The following SAMD9L variants were observed in gnomAD, a reference collection of about 807,000 sequenced individuals.
SAMD9L encodes sterile alpha motif domain containing 9 like.
A neutral mutation model predicts 90.7 loss-of-function variants in SAMD9L; 68 were observed. The ratio of observed to expected loss-of-function variants is 0.75; its 90% CI spans 0.62 to 0.92. SAMD9L has a LOEUF of 0.92. SAMD9L is among the 40% of genes least tolerant of loss of function. The probability of loss-of-function intolerance (pLI) is 0.00; values close to 1 mark genes in which losing one functional copy is unlikely to be tolerated. For missense variants in SAMD9L, 1,604 were observed against 1,824.3 expected (o/e 0.88, Z 2.20); for synonymous variants, 640 against 630.1 (o/e 1.02, Z -0.23).
At position 93,135,378 on chromosome 7, in the gene SAMD9L, C is replaced by T; in HGVS notation, c.594G>A (p.Glu198=). 3.7e-6 allele frequency: 6 copies of T among 1,614,074 alleles called. No homozygotes were observed. The highest frequency in any genetic ancestry group is 5.1e-6 in the Non-Finnish European group (6 of 1,179,966). ...GALNLIDPIH[E]FKALTNTETA... The stretch of plus-strand genomic sequence containing the variant: ...TTTCTGTGTTTGTGAGAGCTTTGAA[C>T]TCATGTATTGGATCAATGAGATTGA... The change falls in exon 5 of 5, where the codon GAG becomes GAA. Residue 198 remains glutamate, a synonymous_variant. Transcript: ENST00000318238.
Position 93,133,453 on chromosome 7 carries a change from A to G in SAMD9L, c.2519T>C (p.Met840Thr), listed in dbSNP as rs1304874755. 5.0e-6 allele frequency: 8 copies of G among 1,613,044 alleles called. No homozygotes were observed. The highest frequency in any genetic ancestry group is 3.3e-4 in the Middle Eastern group (2 of 6,082). Residue 840 changes from methionine (M) to threonine (T), a missense_variant, in exon 5 of 5, where the codon ATG becomes ACG. Transcript: ENST00000318238. Reference sequence around the variant, plus strand: ...ACTTTCATCTGGATTCCGGGATCTCATGCAGTTTAAGATAATTACCAATGT... The same window carrying G: ...ACTTTCATCTGGATTCCGGGATCTCGTGCAGTTTAAGATAATTACCAATGT... ...EKTLVIILNC[M>T]RSRNPDESAK...
chr7:93,131,815 G>A lies in SAMD9L; in HGVS notation c.4157C>T (p.Ala1386Val), dbSNP rs1164703485. Reference sequence around the variant, plus strand: ...CTTTAGACAACTCAGAATAATGTTGGCCAAAATGGAATTTTGTTTCTCATT... The same window carrying A: ...CTTTAGACAACTCAGAATAATGTTGACCAAAATGGAATTTTGTTTCTCATT... ...MTNEKQNSIL[A>V]NIILSCLKPN... The change falls in exon 5 of 5, where the codon GCC becomes GTC. Residue 1386 changes from alanine to valine, a missense_variant. Coordinates refer to ENST00000318238, the MANE Select transcript of SAMD9L (RefSeq NM_152703.5). The A allele has an allele frequency of 1.9e-6, 3 of 1,613,074 alleles. No individual in the cohort carries two copies. The highest frequency in any genetic ancestry group is 1.7e-6 in the Non-Finnish European group (2 of 1,179,830).
chr7:93,131,373 T>A lies in SAMD9L; in HGVS notation c.4599A>T (p.Leu1533=). The A allele has an allele frequency of 5.6e-6, 9 of 1,613,716 alleles. No individual in the cohort carries two copies. The highest frequency in any genetic ancestry group is 7.6e-6 in the Non-Finnish European group (9 of 1,179,824). Residue 1533 remains leucine, a synonymous_variant, in exon 5 of 5, where the codon CTA becomes CTT. Transcript: ENST00000318238. ...CCTCTGTTCCATATTCTACAGAGAT[T>A]AGCTTGCCTTCAGCCTGACCAGTTA... The part of the protein sequence containing the change: ...RRLTGQAEGK[L]ISVEYGTEEK...
In SAMD9L at chr7:93,135,610, T is replaced by C. The variant is rs749202967; in HGVS notation, c.362A>G (p.Tyr121Cys). ...GATATCTCTGATCTCTCTGGGATCA[T>C]AATCAATATTAGATGACATTGAATT... ...EENSMSSNID[Y>C]DPREIRDIKQ... The change falls in exon 5 of 5, where the codon TAT becomes TGT. Residue 121 changes from tyrosine (Y) to cysteine (C), a missense_variant. Around this residue, in one of 7 missense-constraint regions of SAMD9L, gnomAD observed 374 missense variants for 363.6 expected, o/e 1.03. Coordinates refer to ENST00000318238, the MANE Select transcript of SAMD9L (RefSeq NM_152703.5). 25 of 1,613,900 alleles carry C rather than the reference T, an allele frequency of 1.5e-5. No individual in the cohort carries two copies. Among genetic ancestry groups the C allele is most frequent in the Non-Finnish European group, 2.1e-5 (25 of 1,179,792 alleles).
Position 93,134,039 on chromosome 7 carries a change from G to C in SAMD9L, c.1933C>G (p.Leu645Val), listed in dbSNP as rs1049372208. ...AAGACATCCTCTTTCTTTTTCTCTA[G>C]GATAACTGAAGAAGATCCACGGGCG... ...LPARGSSSVILEKKKEDVLTA... is the reference protein window; with the variant it reads ...LPARGSSSVIVEKKKEDVLTA... Residue 645 changes from leucine to valine, a missense_variant, in exon 5 of 5, where the codon CTA becomes GTA. Physicochemically the swap from Leu to Val is conservative, Grantham distance 32. Coordinates refer to ENST00000318238, the MANE Select transcript of SAMD9L (RefSeq NM_152703.5). 1 of 1,613,632 alleles carries C rather than the reference G, an allele frequency of 6.2e-7. No homozygotes were observed. Among genetic ancestry groups the C allele is most frequent in the Non-Finnish European group, 8.5e-7 (1 of 1,179,830 alleles).
At chr7:93,138,993 ATCTTAG>A (rs2116524461) in intron 4 of SAMD9L, among the ~76,000 whole-genome samples, 1 of 152,330 alleles carries the variant, frequency 6.6e-6, no homozygotes, top group Admixed American at 6.5e-5. Flanking sequence ...AGTATTTTAA[ATCTTAG>A]TCTTAAGATA....
Position 93,135,812 on chromosome 7 carries a change from C to T in SAMD9L, c.160G>A (p.Asp54Asn). Residue 54 changes from aspartate to asparagine, a missense_variant, in exon 5 of 5, where the codon GAC becomes AAC. Physicochemically the swap from Asp to Asn is conservative, Grantham distance 23. Around this residue, in one of 7 missense-constraint regions of SAMD9L, gnomAD observed 374 missense variants for 363.6 expected, o/e 1.03. Transcript: ENST00000318238. ...GLVLQELTEK[D>N]LVEMGLPWGP... The stretch of plus-strand genomic sequence containing the variant: ...CATGGTAGCCCCATTTCTACAAGGT[C>T]CTTCTCAGTTAATTCCTGCAGGACT... The T allele has an allele frequency of 2.5e-6, 4 of 1,614,006 alleles. No homozygotes were observed. The highest frequency in any genetic ancestry group is 1.1e-5 in the South Asian group (1 of 91,076).
rs776351398 is a variant in SAMD9L at position 93,135,172 on chromosome 7, A to G, written c.800T>C (p.Met267Thr). ...KAAFIDHFNVMIKKYFEESEI... is the reference protein window; with the variant it reads ...KAAFIDHFNVTIKKYFEESEI... ...ACTTTCTTCAAAATACTTTTTGATC[A>G]TTACATTGAAGTGGTCAATGAAGGC... Residue 267 changes from methionine (M) to threonine (T), a missense_variant, in exon 5 of 5, where the codon ATG (methionine) becomes ACG (threonine). Around this residue, in one of 7 missense-constraint regions of SAMD9L, gnomAD observed 374 missense variants for 363.6 expected, o/e 1.03. Coordinates refer to ENST00000318238, the MANE Select transcript of SAMD9L (RefSeq NM_152703.5). 2 of 1,613,696 alleles carry G rather than the reference A, an allele frequency of 1.2e-6. No individual in the cohort carries two copies. The highest frequency in any genetic ancestry group is 1.7e-5 in the Admixed American group (1 of 60,008).
At chr7:93,137,038 A>G (rs73404696) in intron 4 of SAMD9L, among the ~76,000 whole-genome samples, 2,110 of 152,322 alleles carry the variant, frequency 0.014, 53 homozygotes, top group African/African-American at 0.048. Context: ...TAAATCAATT[A>G]ATTGGTTTAA....
chr7:93,138,301 T>G (rs1035728556), intron 4 of SAMD9L, among the ~76,000 whole-genome samples: 6 of 152,238 alleles, frequency 3.9e-5, no homozygotes, highest in African/African-American at 1.4e-4. Context: ...TCATTCATTC[T>G]ACACATATTT....
Position 93,132,177 on chromosome 7 carries a change from T to G in SAMD9L, c.3795A>C (p.Lys1265Asn), listed in dbSNP as rs759794986. 1 of 1,613,642 alleles carries G rather than the reference T, an allele frequency of 6.2e-7. No individual in the cohort carries two copies. The highest frequency in any genetic ancestry group is 1.7e-5 in the Admixed American group (1 of 59,872). The change falls in exon 5 of 5, where the codon AAA (lysine) becomes AAC (asparagine). Residue 1265 changes from lysine (K) to asparagine (N), a missense_variant. Lys to Asn is a moderately conservative substitution (Grantham distance 94). Around this residue, in one of 7 missense-constraint regions of SAMD9L, gnomAD observed 302 missense variants for 314.7 expected, o/e 0.96. Transcript: ENST00000318238. ...AATCAATAAAAAAGTCAAAGCACCT[T>G]TTCAGATCTGATTGTAAATTTTTTA... is the stretch of plus-strand genomic sequence containing the variant. ...SHLKNLQSDLKRCFDFFIDYM... is the reference protein window; with the variant it reads ...SHLKNLQSDLNRCFDFFIDYM...
chr7:93,131,855 T>C lies in SAMD9L; in HGVS notation c.4117A>G (p.Lys1373Glu). 3.1e-6 allele frequency: 5 copies of C among 1,612,208 alleles called. No individual in the cohort carries two copies. The highest frequency in any genetic ancestry group is 4.2e-6 in the Non-Finnish European group (5 of 1,179,858). Reference sequence around the variant, plus strand: ...TGTTTCTCATTTGTCATGGGCTTTTTTGAGTTTTGCTGCAGTAGGAAGGCA... The same window carrying C: ...TGTTTCTCATTTGTCATGGGCTTTTCTGAGTTTTGCTGCAGTAGGAAGGCA... ...EYAFLLQQNSKKPMTNEKQNS... is the reference protein window; with the variant it reads ...EYAFLLQQNSEKPMTNEKQNS... Residue 1373 changes from lysine to glutamate, a missense_variant, in exon 5 of 5, where the codon AAA becomes GAA. By Grantham distance (56) the Lys-to-Glu change is moderately conservative. Transcript: ENST00000318238.
chr7:93,130,087 T>C lies in SAMD9L; in HGVS notation c.*1130A>G, dbSNP rs1792022811. 1 of 152,242 alleles carries C rather than the reference T, an allele frequency of 6.6e-6. No individual in the cohort carries two copies. Among genetic ancestry groups the C allele is most frequent in the African/African-American group, 2.4e-5 (1 of 41,468 alleles). 9.4% of individuals were successfully genotyped at this position (152,242 alleles called of 1,614,324 possible). A position where few individuals can be genotyped will look rare whatever the true frequency, so the allele number is the denominator to read the frequency against. ...AATAAATATATTTTTTATTCAATAT[T>C]CAATTTAATCTATATTAGCCTATGT... is the stretch of plus-strand genomic sequence containing the variant. On this transcript the variant is annotated 3_prime_UTR_variant, in exon 5 of 5. Transcript: ENST00000318238.
rs141749249 is a variant in SAMD9L, at chr7:93,137,087, A to C, written c.-20-1096T>G. ...CAGAAAGAATATTTTACGGACAGAC[A>C]AAAAAAACATTAAGGATCAAATGAA... is the stretch of plus-strand genomic sequence containing the variant. On this transcript the variant is annotated intron_variant, in intron 4 of 4. Coordinates refer to ENST00000318238, the MANE Select transcript of SAMD9L (RefSeq NM_152703.5). 2.0e-3 allele frequency among the ~76,000 whole-genome samples: 302 copies of C among 152,130 alleles called. 2 individuals are homozygous for C. The highest frequency in any genetic ancestry group is 0.01 in the Middle Eastern group (3 of 294).
Position 93,133,880 on chromosome 7 carries a change from A to T in SAMD9L, c.2092T>A (p.Phe698Ile), listed in dbSNP as rs769242796. The change falls in exon 5 of 5, where the codon TTC (phenylalanine) becomes ATC (isoleucine). Residue 698 changes from phenylalanine (F) to isoleucine (I), a missense_variant. Phe to Ile is a conservative substitution (Grantham distance 21). Coordinates refer to ENST00000318238, the MANE Select transcript of SAMD9L (RefSeq NM_152703.5). Reference sequence around the variant, plus strand: ...GAATAGTTTTCAGAAGAAAAATAGAAGTTCCACCAGGATACTTTGCCACCT... The same window carrying T: ...GAATAGTTTTCAGAAGAAAAATAGATGTTCCACCAGGATACTTTGCCACCT... ...YRGGKVSWWN[F>I]YFSSENYSSD... 1.9e-6 allele frequency: 3 copies of T among 1,613,632 alleles called. No homozygotes were observed. The highest frequency in any genetic ancestry group is 2.5e-6 in the Non-Finnish European group (3 of 1,179,818).
At position 93,134,320 on chromosome 7, in the gene SAMD9L, G is replaced by A. The variant is rs746686876; in HGVS notation, c.1652C>T (p.Ser551Phe). Residue 551 changes from serine to phenylalanine, a missense_variant, in exon 5 of 5, where the codon TCT (serine) becomes TTT (phenylalanine). Physicochemically the swap from Ser to Phe is radical, Grantham distance 155. This residue lies in a region of SAMD9L where 606 missense variants were observed against 717.6 expected (regional missense o/e 0.84). Coordinates refer to ENST00000318238, the MANE Select transcript of SAMD9L (RefSeq NM_152703.5). ...TGGATCTCCTGGGCTTTCCACTGAA[G>A]AGAGTAATAGAAACACTACCAAAAA... ...GKFLVVFLLL[S>F]SVESPGDPLI... 3.1e-6 allele frequency: 5 copies of A among 1,610,842 alleles called. No homozygotes were observed. The highest frequency in any genetic ancestry group is 1.7e-5 in the Admixed American group (1 of 59,398).
In SAMD9L at chr7:93,134,453, C is replaced by G; in HGVS notation, c.1519G>C (p.Glu507Gln). Reference sequence around the variant, plus strand: ...TGTGGTTCTAGAGGTTTATATGTCTCGCTTTTCAGGTCTGATCTGCCGTTG... The same window carrying G: ...TGTGGTTCTAGAGGTTTATATGTCTGGCTTTTCAGGTCTGATCTGCCGTTG... ...FCNGRSDLKS[E>Q]TYKPLEPHLW... Residue 507 changes from glutamate (E) to glutamine (Q), a missense_variant, in exon 5 of 5, where the codon GAG (glutamate) becomes CAG (glutamine). Glu to Gln is a conservative substitution (Grantham distance 29). Transcript: ENST00000318238. The G allele has an allele frequency of 6.2e-7, 1 of 1,613,934 alleles. No homozygotes were observed. The highest frequency in any genetic ancestry group is 8.5e-7 in the Non-Finnish European group (1 of 1,179,900).
chr7:93,133,235 C>T lies in SAMD9L; in HGVS notation c.2737G>A (p.Asp913Asn). ...NVVRNILKGQDVDSKEAQLIS... is the reference protein window; with the variant it reads ...NVVRNILKGQNVDSKEAQLIS... The stretch of plus-strand genomic sequence containing the variant: ...AGTTGTGCTTCCTTGCTGTCAACAT[C>T]CTGTCCTTTTAGGATATTCCTGACT... Residue 913 changes from aspartate (D) to asparagine (N), a missense_variant, in exon 5 of 5, where the codon GAT (aspartate) becomes AAT (asparagine). Asp to Asn is a conservative substitution (Grantham distance 23). This residue lies in a region of SAMD9L where 606 missense variants were observed against 717.6 expected (regional missense o/e 0.84). Transcript: ENST00000318238. 1 of 1,613,284 alleles carries T rather than the reference C, an allele frequency of 6.2e-7. No homozygotes were observed. The highest frequency in any genetic ancestry group is 8.5e-7 in the Non-Finnish European group (1 of 1,179,672).
Position 93,133,946 on chromosome 7 carries a change from AT to A in SAMD9L, c.2025del (p.Lys675AsnfsTer47). Reference sequence around the variant, plus strand: ...TCTTTTGATTTCTTAAACTCCAGGAATTTAGATTTGTCTTTCTCGATGTCTG... The same window carrying A: ...TCTTTTGATTTCTTAAACTCCAGGAATTAGATTTGTCTTTCTCGATGTCTG... The part of the protein sequence containing the change: ...TETDIEKDKS[K>X]FLEFKKSKEE... On this transcript the variant is annotated frameshift_variant, in exon 5 of 5. Transcript: ENST00000318238. LOFTEE classifies it high-confidence loss of function. 1 of 1,613,832 alleles carries A rather than the reference AT, an allele frequency of 6.2e-7. No homozygotes were observed. The highest frequency in any genetic ancestry group is 8.5e-7 in the Non-Finnish European group (1 of 1,179,844).
Sources: gnomAD v4.1 joint callset for allele counts (sites outside exome capture counted in the v4.1 genomes callset) on GRCh38, gnomAD v4.1.1 for gene constraint, gnomAD v4.1.1 regional missense constraint, MANE v1.5 for transcripts, NCBI Gene and HGNC (gene_info 2026-07-23, HGNC 2026-07-21) for gene names.